Variants in DRC11 observed in about 807,000 individuals in gnomAD.
DRC11 encodes IQ and AAA domain-containing protein 1.
chr2:236,331,308 A>G, the DRC11 span: 1 of 1,260,500 alleles, frequency 7.9e-7, no homozygotes, highest in African/African-American at 1.5e-5. This position sits in a 1 kb window ranked among gnomAD's most constrained non-coding sequence, Gnocchi z 4.8. Context: ...GGGAGGAGGC[A>G]GCGTGAGGAG....
At chr2:236,481,848 T>C in the DRC11 span, among the ~76,000 whole-genome samples, 1 of 150,816 alleles carries the variant, frequency 6.6e-6, no homozygotes, top group African/African-American at 2.4e-5. Flanking sequence ...ATACATATTA[T>C]ATGTATAACT....
At chr2:236,507,162 GAAAAGAA>G in the DRC11 span, 5 of 1,364,974 alleles carry the variant, frequency 3.7e-6, no homozygotes, top group African/African-American at 2.9e-5. Context: ...GAGGAGAAAA[GAAAAGAA>G]AAAAGAAAAT....
the DRC11 span, among the ~76,000 whole-genome samples, chr2:236,437,098 C>T: frequency 8.2e-6 from 1 of 122,284 alleles, no homozygotes; most frequent in African/African-American, 3.1e-5. Flanking sequence ...CCCCTCCCCC[C>T]ACCCCACAAC....
chr2:236,310,949 C>T, the DRC11 span, among the ~76,000 whole-genome samples: 49 of 152,320 alleles, frequency 3.2e-4, no homozygotes, highest in African/African-American at 1.2e-3. The surrounding 1 kb of genome is among the most constrained non-coding windows in gnomAD (Gnocchi z 5.5). Context: ...GGGAAAGTTG[C>T]TGAGGGAGAA....
chr2:236,480,528 T>C, the DRC11 span, among the ~76,000 whole-genome samples: 1 of 152,218 alleles, frequency 6.6e-6, no homozygotes, highest in African/African-American at 2.4e-5. Context: ...CTAATGTATT[T>C]TTCTATCCAG....
chr2:236,357,054 C>A, the DRC11 span, among the ~76,000 whole-genome samples: 956 of 77,914 alleles, frequency 0.012, 51 homozygotes, highest in Middle Eastern at 0.039. Flanking sequence ...TATTATATAT[C>A]TATTTATATA....
the DRC11 span, among the ~76,000 whole-genome samples, chr2:236,419,980 T>A: frequency 1.4e-4 from 21 of 152,308 alleles, no homozygotes; most frequent in South Asian, 2.9e-3. This position sits in a 1 kb window ranked among gnomAD's most constrained non-coding sequence, Gnocchi z 4.8. Context: ...CGCTTCCTGT[T>A]TGGCCCCCAG....
chr2:236,325,810 C>T, the DRC11 span, among the ~76,000 whole-genome samples: 3 of 152,108 alleles, frequency 2.0e-5, no homozygotes, highest in Non-Finnish European at 4.4e-5. The surrounding 1 kb of genome is among the most constrained non-coding windows in gnomAD (Gnocchi z 4.4). Flanking sequence ...ACCATGTTGG[C>T]CAGGCTGGTC....
chr2:236,343,906 A>G, the DRC11 span: 1 of 413,860 alleles, frequency 2.4e-6, no homozygotes, highest in South Asian at 1.9e-5. This position sits in a 1 kb window ranked among gnomAD's most constrained non-coding sequence, Gnocchi z 6.6. Flanking sequence ...AGTGATGTAT[A>G]ATACATAAGG....
chr2:236,424,591 T>C, the DRC11 span, among the ~76,000 whole-genome samples: 1,350 of 152,338 alleles, frequency 8.9e-3, 10 homozygotes, highest in South Asian at 0.031. Flanking sequence ...CATGTACACA[T>C]TGTGGAATGA....
At chr2:236,503,557 G>C in the DRC11 span, 1 of 1,346,154 alleles carries the variant, frequency 7.4e-7, no homozygotes, top group Non-Finnish European at 1.0e-6. The surrounding 1 kb of genome is among the most constrained non-coding windows in gnomAD (Gnocchi z 4.9). Flanking sequence ...CCTGTCTGGG[G>C]GAGACCAGGC....
the DRC11 span, among the ~76,000 whole-genome samples, chr2:236,418,889 A>T: frequency 2.4e-4 from 37 of 152,372 alleles, no homozygotes; most frequent in African/African-American, 8.9e-4. Flanking sequence ...GCTATCACGT[A>T]TGTGAAAAAA....
chr2:236,345,907 G>T, the DRC11 span, among the ~76,000 whole-genome samples: 1 of 152,172 alleles, frequency 6.6e-6, no homozygotes, highest in East Asian at 1.9e-4. Flanking sequence ...AAAATCGCTA[G>T]GGACACTCTA....
chr2:236,421,833 G>A, the DRC11 span, among the ~76,000 whole-genome samples: 1 of 152,148 alleles, frequency 6.6e-6, no homozygotes, highest in Non-Finnish European at 1.5e-5. Flanking sequence ...AACAAATCCA[G>A]CAGCACATCA....
chr2:236,359,642 T>G, the DRC11 span, among the ~76,000 whole-genome samples: 2 of 152,174 alleles, frequency 1.3e-5, no homozygotes, highest in African/African-American at 2.4e-5. This position sits in a 1 kb window ranked among gnomAD's most constrained non-coding sequence, Gnocchi z 4.3. Context: ...GTTCTGCAGC[T>G]CACACGGCAC....
At chr2:236,407,145 G>C in the DRC11 span, among the ~76,000 whole-genome samples, 1 of 152,162 alleles carries the variant, frequency 6.6e-6, no homozygotes, top group Non-Finnish European at 1.5e-5. Context: ...ATGGCTTTGA[G>C]GGCTGCAGAG....
chr2:236,437,432 T>G, the DRC11 span, among the ~76,000 whole-genome samples: 1 of 151,504 alleles, frequency 6.6e-6, no homozygotes, highest in African/African-American at 2.4e-5. Flanking sequence ...AGCAGCATGA[T>G]TTATAGTCCT....
the DRC11 span, among the ~76,000 whole-genome samples, chr2:236,342,000 G>A: frequency 3.9e-5 from 6 of 152,306 alleles, no homozygotes; most frequent in Admixed American, 3.3e-4. Context: ...CCCTGCGCCC[G>A]GGAAGTTTGG....
the DRC11 span, among the ~76,000 whole-genome samples, chr2:236,422,213 T>C: frequency 1.3e-5 from 2 of 152,196 alleles, no homozygotes; most frequent in African/African-American, 2.4e-5. Flanking sequence ...CCAGGGCAAT[T>C]AGGCAGGAGA....
Sources: gnomAD v4.1 joint callset for allele counts (sites outside exome capture counted in the v4.1 genomes callset) on GRCh38, gnomAD v4.1.1 for gene constraint, Gnocchi (gnomAD v3.1) non-coding constraint, MANE v1.5 for transcripts, NCBI Gene and HGNC (gene_info 2026-07-23, HGNC 2026-07-21) for gene names.